The following NRDE2 variants were observed in gnomAD, a reference collection of about 807,000 sequenced individuals.
NRDE2 encodes NRDE-2, necessary for RNA interference, domain containing.
In NRDE2, 76 loss-of-function variants were observed where a neutral mutation model predicts 124.2. The ratio of observed to expected loss-of-function variants is 0.61; its 90% confidence interval spans 0.51 to 0.74. NRDE2 has a LOEUF of 0.74. Among genes scored for constraint, NRDE2 ranks in the 30% least tolerant of loss-of-function variants. The pLI is 0.00. For synonymous variants in NRDE2, 489 were observed against 528.1 expected (o/e 0.93, Z 1.01); for missense variants, 1,314 against 1,417.3 (o/e 0.93, Z 1.17).
rs1891701115 is a variant in NRDE2 at position 90,272,682 on chromosome 14, G to T, written c.*5654C>A. 1 of 285,100 alleles carries T rather than the reference G, an allele frequency of 3.5e-6. No homozygotes were observed. The highest frequency in any genetic ancestry group is 2.2e-5 in the African/African-American group (1 of 44,526). 17.7% of individuals were successfully genotyped at this position (285,100 alleles called of 1,614,324 possible). On this transcript the variant is annotated 3_prime_UTR_variant, in exon 14 of 14. Coordinates refer to ENST00000354366, the MANE Select transcript of NRDE2 (RefSeq NM_017970.4). This position sits in a 1 kb window ranked among gnomAD's most constrained non-coding sequence, Gnocchi z 4.5. ...ACCGCTCAACAGCAGCCTGTGGGTG[G>T]ACCCAGCTACAGGGAAGCCTTTGGA...
At chr14:90,307,644 G>C (rs896573611) in intron 4 of NRDE2, among the ~76,000 whole-genome samples, 1 of 152,108 alleles carries the variant, frequency 6.6e-6, no homozygotes, top group Non-Finnish European at 1.5e-5. Context: ...GGGAGGCCAA[G>C]GTGGGCGGAT....
Position 90,278,324 on chromosome 14 carries a change from TC to T in NRDE2, c.*11del. ...TTGGCCTCGCAGGCACAGCCCGTTT[TC>T]CCGCTGCTCTCTAATCCTCCAGCAG... On this transcript the variant is annotated 3_prime_UTR_variant, in exon 14 of 14. Coordinates refer to ENST00000354366, the MANE Select transcript of NRDE2 (RefSeq NM_017970.4). 6.2e-7 allele frequency: 1 copy of T among 1,614,034 alleles called. No individual in the cohort carries two copies. Among genetic ancestry groups the T allele is most frequent in the South Asian group, 1.1e-5 (1 of 91,076 alleles).
chr14:90,305,203 T>A (rs1186895490), intron 4 of NRDE2, among the ~76,000 whole-genome samples: 6 of 150,088 alleles, frequency 4.0e-5, no homozygotes. Context: ...ACATGCAAAT[T>A]AAAACCACAA....
At chr14:90,330,909 G>A (rs1885668140) in intron 1 of NRDE2, among the ~76,000 whole-genome samples, 1 of 151,660 alleles carries the variant, frequency 6.6e-6, no homozygotes, top group Admixed American at 6.6e-5. Flanking sequence ...TGTCACATAT[G>A]GCACATAATT....
rs762693758 is a variant in NRDE2 at position 90,292,791 on chromosome 14, G to A, written c.1748C>T (p.Ala583Val). ...GTGCCTCTGGTCACGGGAACGCTCA[G>A]CAGCAAGCCAGATCTGCCACCTGGG... is the stretch of plus-strand genomic sequence containing the variant. ...TLPRWQIWLA[A>V]ERSRDQRHWR... Residue 583 changes from alanine (A) to valine (V), a missense_variant, in exon 9 of 14, where the codon GCT becomes GTT. Coordinates refer to ENST00000354366, the MANE Select transcript of NRDE2 (RefSeq NM_017970.4). The A allele has an allele frequency of 1.3e-5, 21 of 1,614,102 alleles. 1 individual carries two copies. The South Asian group carries it at 2.2e-4, about 17-fold the overall frequency.
rs773724975 is a variant in NRDE2, at chr14:90,298,299, G to A, written c.1627C>T (p.His543Tyr). 6.2e-7 allele frequency: 1 copy of A among 1,613,664 alleles called. No individual in the cohort carries two copies. Among genetic ancestry groups the A allele is most frequent in the Non-Finnish European group, 8.5e-7 (1 of 1,179,948 alleles). The change falls in exon 8 of 14, where the codon CAC (histidine) becomes TAC (tyrosine). Residue 543 changes from histidine (H) to tyrosine (Y), a missense_variant. His to Tyr is a moderately conservative substitution (Grantham distance 83, BLOSUM62 2). Coordinates refer to ENST00000354366, the MANE Select transcript of NRDE2 (RefSeq NM_017970.4). ...KGARGWKAWM[H>Y]QQERGGWVVI... ...ACCCAGCCACCTCGTTCCTGCTGGTGCATCCACGCCTTCCAGCCTCGGGCT... is the reference window on the plus strand; with the variant it reads ...ACCCAGCCACCTCGTTCCTGCTGGTACATCCACGCCTTCCAGCCTCGGGCT...
Position 90,275,147 on chromosome 14 carries a change from T to A in NRDE2, c.*3189A>T, listed in dbSNP as rs963414817. On this transcript the variant is annotated 3_prime_UTR_variant, in exon 14 of 14. Coordinates refer to ENST00000354366, the MANE Select transcript of NRDE2 (RefSeq NM_017970.4). ...ACAAATTCAGAACACTTCAAAAGTA[T>A]CCACGTCTTGGAAGTCAAAAAGCTT... The A allele has an allele frequency of 1.3e-5, 2 of 152,086 alleles. No homozygotes were observed. The highest frequency in any genetic ancestry group is 1.9e-4 in the East Asian group (1 of 5,182). 9.4% of individuals were successfully genotyped at this position (152,086 alleles called of 1,614,324 possible). A position where few individuals can be genotyped will look rare whatever the true frequency, so the allele number is the denominator to read the frequency against.
At position 90,268,536 on chromosome 14, in the gene NRDE2, C is replaced by A; in HGVS notation, c.*9800G>T. ...ACAGTTCTTGCTGTGCGTGGCCTTC[C>A]ATGCATGCTTTAGGCTCTGCTCTCC... On this transcript the variant is annotated 3_prime_UTR_variant, in exon 14 of 14. Coordinates refer to ENST00000354366, the MANE Select transcript of NRDE2 (RefSeq NM_017970.4). The A allele has an allele frequency of 1.1e-6, 1 of 919,408 alleles. No homozygotes were observed. The highest frequency in any genetic ancestry group is 1.7e-6 in the Non-Finnish European group (1 of 591,632). The allele number at this position is 919,408 out of a possible 1,614,324, so 57.0% of individuals were successfully genotyped here.
chr14:90,298,715 G>A (rs1884275808), intron 7 of NRDE2, among the ~76,000 whole-genome samples: 1 of 152,154 alleles, frequency 6.6e-6, no homozygotes, highest in South Asian at 2.1e-4. Flanking sequence ...ACCAGCTGAG[G>A]TTCAGCAAGA....
At position 90,274,813 on chromosome 14, in the gene NRDE2, CACACACACACACACACACACACA is replaced by C. The variant is rs909266455; in HGVS notation, c.*3500_*3522del. The C allele has an allele frequency of 1.2e-4, 13 of 104,624 alleles. No individual in the cohort carries two copies. Among genetic ancestry groups the C allele is most frequent in the East Asian group, 4.6e-4 (2 of 4,308 alleles). 6.5% of individuals were successfully genotyped at this position (104,624 alleles called of 1,614,324 possible). A position where few individuals can be genotyped will look rare whatever the true frequency, so the allele number is the denominator to read the frequency against. On this transcript the variant is annotated 3_prime_UTR_variant, in exon 14 of 14. Coordinates refer to ENST00000354366, the MANE Select transcript of NRDE2 (RefSeq NM_017970.4). The stretch of plus-strand genomic sequence containing the variant: ...ACACACACACACACACACACACACA[CACACACACACACACACACACACA>C]CACCCCAATACATATGAATTGATCT...
intron 1 of NRDE2, among the ~76,000 whole-genome samples, chr14:90,331,180 G>T (rs1885685150): frequency 6.6e-6 from 1 of 152,056 alleles, no homozygotes; most frequent in African/African-American, 2.4e-5. Context: ...ACAGGTGTGG[G>T]CCACTGCTCC....
chr14:90,304,629 C>G, intron 4 of NRDE2: 1 of 448,512 alleles, frequency 2.2e-6, no homozygotes, highest in Non-Finnish European at 4.0e-6. Flanking sequence ...AAGATCATGC[C>G]TGTCTTCTAG....
In NRDE2 at chr14:90,290,517, C is replaced by G; in HGVS notation, c.1933G>C (p.Gly645Arg). ...GGAGGAGTAAAGCCAGAAGGCACAC[C>G]CAAGAACTGCAGGAAGGCCTCCACC... is the stretch of plus-strand genomic sequence containing the variant. ...QLVEAFLQFL[G>R]VPSGFTPPAS... The change falls in exon 10 of 14, where the codon GGT (glycine) becomes CGT (arginine). Residue 645 changes from glycine (G) to arginine (R), a missense_variant. Coordinates refer to ENST00000354366, the MANE Select transcript of NRDE2 (RefSeq NM_017970.4). 2 of 1,613,956 alleles carry G rather than the reference C, an allele frequency of 1.2e-6. No individual in the cohort carries two copies. Among genetic ancestry groups the G allele is most frequent in the Non-Finnish European group, 1.7e-6 (2 of 1,179,996 alleles).
In NRDE2 at chr14:90,272,367, A is replaced by T; in HGVS notation, c.*5969T>A. 5 of 1,594,940 alleles carry T rather than the reference A, an allele frequency of 3.1e-6. No individual in the cohort carries two copies. The highest frequency in any genetic ancestry group is 4.3e-6 in the Non-Finnish European group (5 of 1,171,914). On this transcript the variant is annotated 3_prime_UTR_variant, in exon 14 of 14. Coordinates refer to ENST00000354366, the MANE Select transcript of NRDE2 (RefSeq NM_017970.4). This position sits in a 1 kb window ranked among gnomAD's most constrained non-coding sequence, Gnocchi z 4.5. The stretch of plus-strand genomic sequence containing the variant: ...AAAAAATCTAAAGAAAATGTTCTTT[A>T]TAAGAAACAGGAAGGCACCCCTGAG...
In NRDE2 at chr14:90,268,447, G is replaced by T. The variant is rs754204663; in HGVS notation, c.*9889C>A. The T allele has an allele frequency of 1.9e-6, 3 of 1,600,330 alleles. No individual in the cohort carries two copies. The South Asian group carries it at 3.3e-5, about 18-fold the overall frequency. On this transcript the variant is annotated 3_prime_UTR_variant, in exon 14 of 14. Transcript: ENST00000354366. ...TCTCATACTTATTTTGCCTTGTTTA[G>T]TAGGGAACACCGCATAGCTCTTCTC... is the stretch of plus-strand genomic sequence containing the variant.
At chr14:90,296,682 C>T (rs1884170337) in intron 8 of NRDE2, among the ~76,000 whole-genome samples, 1 of 152,010 alleles carries the variant, frequency 6.6e-6, no homozygotes, top group African/African-American at 2.4e-5. Context: ...AGTCCTTGTC[C>T]ATCACTCTTT....
chr14:90,310,966 A>G (rs1283479836), intron 4 of NRDE2, among the ~76,000 whole-genome samples: 1 of 152,232 alleles, frequency 6.6e-6, no homozygotes, highest in African/African-American at 2.4e-5. Context: ...GTTTCCATTG[A>G]CAGTAGGTAG....
chr14:90,324,036 G>T (rs1237466922), intron 1 of NRDE2, among the ~76,000 whole-genome samples: 1 of 152,124 alleles, frequency 6.6e-6, no homozygotes, highest in Non-Finnish European at 1.5e-5. Flanking sequence ...AGAGAAAATA[G>T]GGAATAATGA....
intron 12 of NRDE2, among the ~76,000 whole-genome samples, chr14:90,285,498 C>T (rs1039201814): frequency 3.3e-5 from 5 of 151,854 alleles, no homozygotes; most frequent in Non-Finnish European, 7.4e-5. Context: ...GACGGGGTTT[C>T]GCCATGATGG....
Sources: allele counts gnomAD v4.1 joint callset (sites outside exome capture counted in the v4.1 genomes callset), GRCh38; gene constraint gnomAD v4.1.1; non-coding constraint Gnocchi (gnomAD v3.1); transcripts MANE v1.5; gene names NCBI Gene and HGNC (gene_info 2026-07-23, HGNC 2026-07-21).